The following EDIL3 variants were observed in gnomAD, a reference collection of about 807,000 sequenced individuals.
The protein encoded by EDIL3 is EGF like and discoidin domains 3.
A neutral mutation model predicts 67.4 loss-of-function variants in EDIL3; 37 were observed. That is an observed-to-expected ratio of 0.55 (90% CI 0.42 to 0.72). The LOEUF is 0.72. Ranked by LOEUF, EDIL3 falls within the 30% of genes least tolerant of loss-of-function variation. The pLI, the probability that EDIL3 is intolerant of heterozygous loss-of-function variation, is 0.00. For missense variants in EDIL3, 527 were observed against 586.3 expected, an observed-to-expected ratio of 0.90 and a Z score of 1.04; for synonymous variants, 195 against 196.3, an observed-to-expected ratio of 0.99 and a Z score of 0.05.
chr5:84,135,795 C>A (rs1245067474), intron 5 of EDIL3, among the ~76,000 whole-genome samples: 1 of 152,128 alleles, frequency 6.6e-6, no homozygotes, highest in Non-Finnish European at 1.5e-5. Flanking sequence ...TGCTCAATGT[C>A]CTTCCTCAAT....
At chr5:84,029,727 T>G (rs1280446316) in intron 9 of EDIL3, among the ~76,000 whole-genome samples, 1 of 152,128 alleles carries the variant, frequency 6.6e-6, no homozygotes, top group Non-Finnish European at 1.5e-5. Flanking sequence ...GCTGCATTAA[T>G]TAAAGTCTGT....
chr5:84,118,331 A>C (rs2112296049), intron 5 of EDIL3, among the ~76,000 whole-genome samples: 1 of 152,286 alleles, frequency 6.6e-6, no homozygotes, highest in East Asian at 1.9e-4. Context: ...CATAGATAAA[A>C]GATAAAAAGA....
chr5:84,171,772 T>A (rs922284334), intron 4 of EDIL3, among the ~76,000 whole-genome samples: 1 of 152,216 alleles, frequency 6.6e-6, no homozygotes, highest in Non-Finnish European at 1.5e-5. Context: ...GTCTTAGTTG[T>A]ACATTAGAAT....
chr5:84,220,591 T>C (rs1014869696), intron 3 of EDIL3, among the ~76,000 whole-genome samples: 3 of 152,182 alleles, frequency 2.0e-5, no homozygotes, highest in Admixed American at 2.0e-4. Flanking sequence ...AATTGATGAT[T>C]GGTGACCTTC....
intron 10 of EDIL3, among the ~76,000 whole-genome samples, chr5:83,954,706 C>T (rs1744482277): frequency 6.6e-6 from 1 of 151,698 alleles, no homozygotes; most frequent in Non-Finnish European, 1.5e-5. Context: ...GGACTAACAC[C>T]ACTAGTCAAT....
At chr5:84,069,352 C>T (rs1746694948) in intron 6 of EDIL3, among the ~76,000 whole-genome samples, 1 of 152,024 alleles carries the variant, frequency 6.6e-6, no homozygotes, top group African/African-American at 2.4e-5. Flanking sequence ...GAGGAATGGA[C>T]TAATGGGGGT....
At chr5:84,382,684 ACAG>A (rs1748108540) in intron 1 of EDIL3, among the ~76,000 whole-genome samples, 2 of 152,066 alleles carry the variant, frequency 1.3e-5, no homozygotes, top group South Asian at 4.2e-4. Flanking sequence ...GAAAGGAAAA[ACAG>A]CAGCCGTGGA....
intron 1 of EDIL3, among the ~76,000 whole-genome samples, chr5:84,272,132 T>C (rs1196802178): frequency 5.3e-5 from 8 of 152,284 alleles, no homozygotes. Context: ...AACTTCTTTA[T>C]TTGTTAATGT....
chr5:84,204,828 C>T (rs1463645012), intron 3 of EDIL3, among the ~76,000 whole-genome samples: 2 of 145,466 alleles, frequency 1.4e-5, no homozygotes, highest in Non-Finnish European at 3.0e-5. Flanking sequence ...AAAAAGGCCA[C>T]ATGACCTAAA....
chr5:83,954,965 G>A (rs980810470), intron 10 of EDIL3, among the ~76,000 whole-genome samples: 1 of 151,706 alleles, frequency 6.6e-6, no homozygotes, highest in African/African-American at 2.4e-5. Context: ...TGATAGTCTT[G>A]ATCATTCTAC....
intron 9 of EDIL3, among the ~76,000 whole-genome samples, chr5:84,027,982 A>C (rs1390262586): frequency 6.6e-6 from 1 of 152,180 alleles, no homozygotes; most frequent in Non-Finnish European, 1.5e-5. Flanking sequence ...AATTCACTTA[A>C]GACTGACTCC....
chr5:83,943,274 C>T lies in EDIL3; in HGVS notation c.*145G>A, dbSNP rs1321987163. On this transcript the variant is annotated 3_prime_UTR_variant, in exon 11 of 11. Transcript: ENST00000296591. ...AGGCAGGCTTAGACCCCCTTAAAAA[C>T]ACCGTTAGTTGCCTACCATAATTTG... 9.2e-7 allele frequency: 1 copy of T among 1,091,768 alleles called. No individual in the cohort carries two copies. The highest frequency in any genetic ancestry group is 1.3e-6 in the Non-Finnish European group (1 of 773,872). The allele number at this position is 1,091,768 out of a possible 1,614,324, so 67.6% of individuals were successfully genotyped here. A position where few individuals can be genotyped will look rare whatever the true frequency, so the allele number is the denominator to read the frequency against.
chr5:84,165,279 C>G (rs1335392624), intron 4 of EDIL3, among the ~76,000 whole-genome samples: 3 of 152,108 alleles, frequency 2.0e-5, no homozygotes, highest in Admixed American at 6.6e-5. Flanking sequence ...ATATTCCTTT[C>G]TTTTACCAGA....
chr5:83,993,249 T>C (rs1369336944), intron 9 of EDIL3, among the ~76,000 whole-genome samples: 1 of 152,202 alleles, frequency 6.6e-6, no homozygotes, highest in Admixed American at 6.5e-5. Context: ...CACAGCTCAC[T>C]GCACCCTCGA....
intron 3 of EDIL3, among the ~76,000 whole-genome samples, chr5:84,199,406 G>A (rs1743784266): frequency 1.3e-5 from 2 of 151,924 alleles, no homozygotes; most frequent in Admixed American, 1.3e-4. Flanking sequence ...TCTGGGAGAT[G>A]GTTTTCTGCT....
At chr5:84,217,841 C>A (rs991163528) in intron 3 of EDIL3, among the ~76,000 whole-genome samples, 1 of 150,332 alleles carries the variant, frequency 6.7e-6, no homozygotes, top group Non-Finnish European at 1.5e-5. Flanking sequence ...AATCAGTTTC[C>A]ATTTATATAA....
intron 5 of EDIL3, among the ~76,000 whole-genome samples, chr5:84,115,478 A>G (rs1340931836): frequency 6.6e-6 from 1 of 152,180 alleles, no homozygotes; most frequent in Non-Finnish European, 1.5e-5. Flanking sequence ...GATGCAGAAT[A>G]ATGGTTATTA....
chr5:84,357,627 G>A (rs912436597), intron 1 of EDIL3, among the ~76,000 whole-genome samples: 7 of 152,092 alleles, frequency 4.6e-5, no homozygotes, highest in Non-Finnish European at 1.0e-4. Flanking sequence ...AGTGGCTCAC[G>A]CCTGTAATCC....
In EDIL3 at chr5:83,945,157, T is replaced by A. The variant is rs184020488; in HGVS notation, c.1294-1589A>T. Among the ~76,000 whole-genome samples, 6 of 152,128 alleles carry A rather than the reference T, an allele frequency of 3.9e-5. No homozygotes were observed. In the South Asian group the frequency reaches 6.2e-4, roughly 16 times the overall value. On this transcript the variant is annotated intron_variant, in intron 10 of 10. Coordinates refer to ENST00000296591, the MANE Select transcript of EDIL3 (RefSeq NM_005711.5). ...TAAATTCATATTCATTTAGCAGGCA[T>A]TTTATGCTTAGTAATGCCCTGTCTT...
Sources: gnomAD v4.1 joint callset for allele counts (sites outside exome capture counted in the v4.1 genomes callset) on GRCh38, gnomAD v4.1.1 for gene constraint, MANE v1.5 for transcripts, NCBI Gene and HGNC (gene_info 2026-07-23, HGNC 2026-07-21) for gene names.